DLGAP5: variants seen among roughly 807,000 people sequenced by gnomAD.
DLGAP5 encodes disks large-associated protein 5.
In DLGAP5, 90 loss-of-function variants were observed where a neutral mutation model predicts 99.6. The observed-to-expected ratio is 0.90, with a 90% CI of 0.76 to 1.08. DLGAP5 has a LOEUF of 1.08. DLGAP5 is among the 50% of genes least tolerant of loss of function. The pLI is 0.00. For missense variants in DLGAP5, 1,036 were observed against 983.5 expected (o/e 1.05, Z -0.71); for synonymous variants, 311 against 321.3 (o/e 0.97, Z 0.34).
chr14:55,152,698 T>A, intron 15 of DLGAP5, 51 bp from the exon 16 acceptor site: 1 of 1,455,772 alleles, frequency 6.9e-7, no homozygotes, highest in South Asian at 1.4e-5. Flanking sequence ...TGTTATTGTT[T>A]CACTTGTATT....
intron 7 of DLGAP5, 59 bp from the exon 8 acceptor site, chr14:55,177,395 C>T: frequency 6.9e-7 from 1 of 1,455,190 alleles, no homozygotes; most frequent in South Asian, 1.4e-5. Context: ...TATATTCAAC[C>T]AATTTTTATA....
intron 4 of DLGAP5, 100 bp downstream of exon 4, chr14:55,182,270 A>G (rs933906876): frequency 4.3e-5 from 43 of 1,006,220 alleles, no homozygotes; most frequent in Non-Finnish European, 6.2e-5. Flanking sequence ...CTAGTAAATT[A>G]ATCATTATGT....
At chr14:55,187,485 A>T (rs1566510175) in intron 2 of DLGAP5, among the ~76,000 whole-genome samples, 1 of 151,516 alleles carries the variant, frequency 6.6e-6, no homozygotes, top group East Asian at 1.9e-4. Flanking sequence ...CACCCAGCTA[A>T]TTTTTTTATT....
chr14:55,159,381 G>T (rs985040504), intron 13 of DLGAP5, among the ~76,000 whole-genome samples: 1 of 152,204 alleles, frequency 6.6e-6, no homozygotes, highest in Non-Finnish European at 1.5e-5. Flanking sequence ...TTAAGCAGAA[G>T]ATTAACATCA....
At chr14:55,167,987 A>G (rs1882705116) in intron 12 of DLGAP5, among the ~76,000 whole-genome samples, 1 of 150,876 alleles carries the variant, frequency 6.6e-6, no homozygotes, top group African/African-American at 2.4e-5. Flanking sequence ...TTGCTCCCCA[A>G]TTTTTTTTTC....
At chr14:55,183,376 C>G (rs562357934) in intron 3 of DLGAP5, among the ~76,000 whole-genome samples, 184 bp downstream of exon 3, 1 of 152,276 alleles carries the variant, frequency 6.6e-6, no homozygotes, top group Non-Finnish European at 1.5e-5. Flanking sequence ...TTTATCCTAT[C>G]TCAACTTACC....
chr14:55,166,407 A>T (rs1882643435), intron 12 of DLGAP5, among the ~76,000 whole-genome samples: 1 of 152,206 alleles, frequency 6.6e-6, no homozygotes, highest in African/African-American at 2.4e-5. Context: ...ATTGACTGCA[A>T]ACAGGCAGGA....
At chr14:55,177,880 T>C (rs1394898771) in intron 7 of DLGAP5, among the ~76,000 whole-genome samples, 1 of 151,986 alleles carries the variant, frequency 6.6e-6, no homozygotes, top group Non-Finnish European at 1.5e-5. Context: ...CTTTTGGGTA[T>C]TACAACAAAT....
Position 55,154,603 on chromosome 14 carries a change from T to A in DLGAP5, c.2063+14A>T. The stretch of plus-strand genomic sequence containing the variant: ...AGCAACTGTTAAACTCTTATTAACA[T>A]GTTAAAGAAATACCTGCTTTCAGGA... On this transcript the variant is annotated intron_variant, in intron 15 of 18. Transcript: ENST00000247191. 6.2e-7 allele frequency: 1 copy of A among 1,605,534 alleles called. No homozygotes were observed. The highest frequency in any genetic ancestry group is 1.1e-5 in the South Asian group (1 of 90,850).
Position 55,151,797 on chromosome 14 carries a change from A to C in DLGAP5, c.2266T>G (p.Ser756Ala). 1 of 1,613,974 alleles carries C rather than the reference A, an allele frequency of 6.2e-7. No individual in the cohort carries two copies. The highest frequency in any genetic ancestry group is 2.2e-5 in the East Asian group (1 of 44,826). The change falls in exon 17 of 19, where the codon TCT becomes GCT. Residue 756 changes from serine to alanine, a missense_variant. Transcript: ENST00000247191. ...SDVVEGMELNSSITSQDVLMS... is the reference protein window; with the variant it reads ...SDVVEGMELNASITSQDVLMS... ...AAAACATCCTGTGATGTAATTGAAGAATTCAGTTCCATTCCTTCCACAACA... is the reference window on the plus strand; with the variant it reads ...AAAACATCCTGTGATGTAATTGAAGCATTCAGTTCCATTCCTTCCACAACA...
intron 12 of DLGAP5, among the ~76,000 whole-genome samples, chr14:55,164,392 C>A (rs370380395): frequency 6.6e-6 from 1 of 152,064 alleles, no homozygotes; most frequent in Non-Finnish European, 1.5e-5. Context: ...TACAATTCAG[C>A]GGGGAAAAGA....
intron 12 of DLGAP5, among the ~76,000 whole-genome samples, chr14:55,165,862 A>T (rs1032149772): frequency 1.3e-5 from 2 of 152,202 alleles, no homozygotes; most frequent in African/African-American, 4.8e-5. Flanking sequence ...CACAGAAAGC[A>T]AGACTGCTGA....
intron 13 of DLGAP5, among the ~76,000 whole-genome samples, chr14:55,161,342 T>C (rs1882422859): frequency 6.6e-6 from 1 of 151,372 alleles, no homozygotes. Context: ...AGTTTTGAAA[T>C]CCATTCAATC....
Position 55,180,636 on chromosome 14 carries a change from G to C in DLGAP5, c.703+20C>G, listed in dbSNP as rs377587883. ...GACCAAACATTCTAGTTCAGTCACT[G>C]ATCAAGGAATAGTTCTCACCATTAG... On this transcript the variant is annotated intron_variant, in intron 6 of 18. Transcript: ENST00000247191. 4 of 1,613,660 alleles carry C rather than the reference G, an allele frequency of 2.5e-6. No homozygotes were observed. Among genetic ancestry groups the C allele is most frequent in the African/African-American group, 1.3e-5 (1 of 74,924 alleles).
intron 12 of DLGAP5, among the ~76,000 whole-genome samples, chr14:55,168,030 C>G (rs567548642): frequency 6.6e-6 from 1 of 152,144 alleles, no homozygotes; most frequent in African/African-American, 2.4e-5. Flanking sequence ...TATAATTTGG[C>G]TATATTTCCT....
At chr14:55,182,556 AAGAT>A in intron 3 of DLGAP5, 124 bp from the exon 4 acceptor site, 1 of 653,440 alleles carries the variant, frequency 1.5e-6, no homozygotes. Context: ...TTATAGCAAA[AAGAT>A]ACTTAAATTC....
At chr14:55,151,450 G>A (rs890051051) in intron 17 of DLGAP5, among the ~76,000 whole-genome samples, 1 of 152,062 alleles carries the variant, frequency 6.6e-6, no homozygotes, top group African/African-American at 2.4e-5. Context: ...CCTCAACCTG[G>A]GAGGTGGAGG....
rs1296843250 is a variant in DLGAP5, at chr14:55,181,306, G to A, written c.496-9C>T. 3.1e-6 allele frequency: 5 copies of A among 1,609,776 alleles called. No individual in the cohort carries two copies. The Admixed American group carries it at 6.7e-5, about 22-fold the overall frequency. ...TCACTCTCGTTATCAATCTATTTAAGAGATTAGGTGCTATGTGATTTAATT... is the reference window on the plus strand; with the variant it reads ...TCACTCTCGTTATCAATCTATTTAAAAGATTAGGTGCTATGTGATTTAATT... On this transcript the variant is annotated splice_polypyrimidine_tract_variant and intron_variant, in intron 4 of 18. Coordinates refer to ENST00000247191, the MANE Select transcript of DLGAP5 (RefSeq NM_014750.5).
chr14:55,177,424 C>T (rs987270755), intron 7 of DLGAP5, 88 bp from the exon 8 acceptor site: 2 of 1,213,194 alleles, frequency 1.6e-6, no homozygotes, highest in Non-Finnish European at 2.3e-6. Context: ...AATATGACAA[C>T]AGAAATATAT....
Sources: gnomAD v4.1 joint callset for allele counts (sites outside exome capture counted in the v4.1 genomes callset) on GRCh38, gnomAD v4.1.1 for gene constraint, MANE v1.5 for transcripts, NCBI Gene and HGNC (gene_info 2026-07-23, HGNC 2026-07-21) for gene names.